The following SPIDR variants were observed in gnomAD, a reference collection of about 807,000 sequenced individuals.
SPIDR encodes the protein scaffold protein involved in DNA repair, also known as DNA repair-scaffolding protein.
In SPIDR, 93 loss-of-function variants were observed where a neutral mutation model predicts 104.6. That is an observed-to-expected ratio of 0.89 (90% CI 0.75 to 1.06). SPIDR has a LOEUF of 1.06. Ranked by LOEUF, SPIDR falls within the 50% of genes least tolerant of loss-of-function variation. SPIDR has a pLI of 0.00. For synonymous variants in SPIDR, 431 were observed against 416.9 expected, an observed-to-expected ratio of 1.03 and a Z score of -0.41; for missense variants, 1,154 against 1,111.2, an observed-to-expected ratio of 1.04 and a Z score of -0.55.
intron 8 of SPIDR, among the ~76,000 whole-genome samples, chr8:47,536,382 A>G (rs1188034844): frequency 2.6e-5 from 4 of 152,212 alleles, no homozygotes; most frequent in Non-Finnish European, 4.4e-5. Flanking sequence ...TCCAACTTCA[A>G]GAATTATGGT....
intron 4 of SPIDR, among the ~76,000 whole-genome samples, chr8:47,292,970 C>T (rs1586458368): frequency 6.6e-6 from 1 of 152,122 alleles, no homozygotes; most frequent in East Asian, 1.9e-4. Context: ...CTTGTCTCTC[C>T]CTGGCTTCCT....
At chr8:47,279,786 G>T (rs936904159) in intron 1 of SPIDR, 76 bp from the exon 2 acceptor site, 91 of 1,408,828 alleles carry the variant, frequency 6.5e-5, no homozygotes, top group Non-Finnish European at 8.6e-5. Flanking sequence ...ATTGTAAATT[G>T]TGAACTGAAT....
At chr8:47,342,420 T>G (rs782071700) in intron 5 of SPIDR, among the ~76,000 whole-genome samples, 3 of 131,528 alleles carry the variant, frequency 2.3e-5, no homozygotes, top group Admixed American at 1.7e-4. Flanking sequence ...CACTGCAGCC[T>G]CCGCCTCCCG....
At chr8:47,269,647 A>G (rs1392667650) in intron 1 of SPIDR, among the ~76,000 whole-genome samples, 3 of 151,976 alleles carry the variant, frequency 2.0e-5, no homozygotes, top group African/African-American at 7.2e-5. Flanking sequence ...TCCAATTTAG[A>G]CATCTTTTAT....
intron 11 of SPIDR, among the ~76,000 whole-genome samples, chr8:47,685,089 G>A (rs1332627954): frequency 2.6e-5 from 4 of 152,310 alleles, no homozygotes; most frequent in South Asian, 4.1e-4. Flanking sequence ...GCAGATGCCT[G>A]TAATCCCAGC....
At chr8:47,365,306 G>A (rs1393029523) in intron 5 of SPIDR, among the ~76,000 whole-genome samples, 9 of 152,046 alleles carry the variant, frequency 5.9e-5, no homozygotes, top group South Asian at 4.1e-4. Flanking sequence ...TTTCCCTATC[G>A]GCAAACATCA....
chr8:47,413,243 T>A (rs2063780312), intron 7 of SPIDR, among the ~76,000 whole-genome samples: 1 of 152,246 alleles, frequency 6.6e-6, no homozygotes, highest in African/African-American at 2.4e-5. Context: ...GCAGCGCTTT[T>A]GTTTCCTTTT....
At chr8:47,338,042 A>C (rs1554610952) in intron 5 of SPIDR, among the ~76,000 whole-genome samples, 1 of 152,228 alleles carries the variant, frequency 6.6e-6, no homozygotes, top group South Asian at 2.1e-4. Context: ...TTTCTTTTTC[A>C]AGGTTGTTTT....
chr8:47,606,787 C>T (rs2063008891), intron 10 of SPIDR, among the ~76,000 whole-genome samples: 1 of 152,224 alleles, frequency 6.6e-6, no homozygotes, highest in South Asian at 2.1e-4. Context: ...TGGGTGAATA[C>T]AGCTCTTCTC....
chr8:47,552,010 G>C (rs982395789), intron 8 of SPIDR, among the ~76,000 whole-genome samples: 1 of 152,118 alleles, frequency 6.6e-6, no homozygotes, highest in Admixed American at 6.6e-5. Context: ...CTTTATTTCT[G>C]CCTTCATTTC....
At chr8:47,685,509 A>ATTTTTTTTTTTTTTTTTTTT (rs79918303) in intron 11 of SPIDR, among the ~76,000 whole-genome samples, 5 of 106,962 alleles carry the variant, frequency 4.7e-5, no homozygotes, top group East Asian at 3.4e-4. Context: ...TTATTTATTT[A>ATTTTTTTTTTTTTTTTTTTT]TTTATTTATT....
At chr8:47,458,749 A>G (rs2073441973) in intron 8 of SPIDR, among the ~76,000 whole-genome samples, 1 of 152,076 alleles carries the variant, frequency 6.6e-6, no homozygotes, top group African/African-American at 2.4e-5. Context: ...ACTTTTCCCC[A>G]TTCAGTATTA....
intron 6 of SPIDR, among the ~76,000 whole-genome samples, chr8:47,403,374 G>A (rs1254316324): frequency 2.0e-5 from 3 of 152,180 alleles, no homozygotes; most frequent in South Asian, 4.1e-4. Context: ...GCAAGAGAAA[G>A]AAATAAAGGG....
At chr8:47,500,286 A>G (rs1459925317) in intron 8 of SPIDR, among the ~76,000 whole-genome samples, 6 of 152,200 alleles carry the variant, frequency 3.9e-5, no homozygotes, top group Non-Finnish European at 7.3e-5. Context: ...CTATTTCTCT[A>G]CATCCTCTCC....
Position 47,581,870 on chromosome 8 carries a change from A to G in SPIDR, c.1098-13941A>G, listed in dbSNP as rs146257374. 4.9e-3 allele frequency among the ~76,000 whole-genome samples: 746 copies of G among 152,238 alleles called. 4 individuals carry two copies. The highest frequency in any genetic ancestry group is 0.023 in the South Asian group (109 of 4,824). On this transcript the variant is annotated intron_variant, in intron 8 of 19. Transcript: ENST00000297423. ...TCTTTGCCACTCTCCACAGACGAAAACACATTCTTCCTTGACAGTAAACAA... is the reference window on the plus strand; with the variant it reads ...TCTTTGCCACTCTCCACAGACGAAAGCACATTCTTCCTTGACAGTAAACAA...
At chr8:47,423,488 G>T (rs572893158) in intron 7 of SPIDR, among the ~76,000 whole-genome samples, 2 of 151,918 alleles carry the variant, frequency 1.3e-5, no homozygotes, top group East Asian at 3.9e-4. Flanking sequence ...TACAATCCCA[G>T]CTATTCTGGA....
At chr8:47,483,052 G>T (rs2077080955) in intron 8 of SPIDR, among the ~76,000 whole-genome samples, 1 of 152,128 alleles carries the variant, frequency 6.6e-6, no homozygotes, top group African/African-American at 2.4e-5. Flanking sequence ...CAGGGGACAG[G>T]TCTGGGCTTT....
At chr8:47,658,418 CA>C (rs879442948) in intron 10 of SPIDR, among the ~76,000 whole-genome samples, 232 of 130,616 alleles carry the variant, frequency 1.8e-3, no homozygotes, top group Non-Finnish European at 2.0e-3. Flanking sequence ...AACTCCATCT[CA>C]AAAAAAAAAA....
rs2086158409 is a variant in SPIDR, at chr8:47,735,491, AGGGT to A, written c.*44_*47del. 6 of 1,613,806 alleles carry A rather than the reference AGGGT, an allele frequency of 3.7e-6. No homozygotes were observed. Among genetic ancestry groups the A allele is most frequent in the Non-Finnish European group, 5.1e-6 (6 of 1,179,966 alleles). On this transcript the variant is annotated 3_prime_UTR_variant, in exon 20 of 20. Coordinates refer to ENST00000297423, the MANE Select transcript of SPIDR (RefSeq NM_001080394.4). ...CTGTGAACTTTGCAATGTGGCTGCA[AGGGT>A]GGTGGTGGTGGTGGTGATTTGGGGT...
Sources: gnomAD v4.1 joint callset for allele counts (sites outside exome capture counted in the v4.1 genomes callset) on GRCh38, gnomAD v4.1.1 for gene constraint, MANE v1.5 for transcripts, NCBI Gene and HGNC (gene_info 2026-07-23, HGNC 2026-07-21) for gene names.